Variants in CPNE8 observed in about 807,000 individuals in gnomAD.
CPNE8 encodes the protein copine 8.
CPNE8 carries 45 observed loss-of-function variants against 81.5 expected under a neutral mutation model. The ratio of observed to expected loss-of-function variants is 0.55; its 90% CI spans 0.44 to 0.71. The LOEUF (loss-of-function observed/expected upper bound fraction) is 0.71, where lower values mean the gene tolerates loss of function less well. Among genes scored for constraint, CPNE8 ranks in the 30% least tolerant of loss-of-function variants. CPNE8 has a pLI of 0.00. For missense variants in CPNE8, 594 were observed against 672.1 expected, an observed-to-expected ratio of 0.88 and a Z score of 1.28; for synonymous variants, 252 against 226.3, an observed-to-expected ratio of 1.11 and a Z score of -1.02.
At chr12:38,752,573 T>A (rs1361497749) in intron 10 of CPNE8, among the ~76,000 whole-genome samples, 1 of 152,130 alleles carries the variant, frequency 6.6e-6, no homozygotes, top group East Asian at 1.9e-4. Context: ...ATTTTCAATA[T>A]CACCTCTGGT....
chr12:38,785,191 A>G (rs1942152318), intron 6 of CPNE8, among the ~76,000 whole-genome samples: 1 of 141,152 alleles, frequency 7.1e-6, no homozygotes, highest in Non-Finnish European at 1.6e-5. Flanking sequence ...CTGTCTCTGA[A>G]AAAAAAAAAA....
chr12:38,710,206 T>C lies in CPNE8; in HGVS notation c.915-7285A>G, dbSNP rs565814894. ...CACCTTATCAAAAAGGTATGCAAAA[T>C]TGCCAACCTCTTTTCTAACCAATAG... On this transcript the variant is annotated intron_variant, in intron 13 of 19. Transcript: ENST00000331366. 8.5e-5 allele frequency among the ~76,000 whole-genome samples: 11 copies of C among 129,190 alleles called. No individual in the cohort carries two copies. In the East Asian group the frequency reaches 2.0e-3, roughly 24 times the overall value. The allele number at this position is 129,190 out of a possible 152,430, so 84.8% of individuals were successfully genotyped here.
intron 10 of CPNE8, among the ~76,000 whole-genome samples, chr12:38,753,727 C>A (rs1431000399): frequency 6.6e-6 from 1 of 152,010 alleles, no homozygotes; most frequent in Non-Finnish European, 1.5e-5. Context: ...TAGGTGAGTA[C>A]AGTACAATAA....
At chr12:38,730,733 T>C (rs1390993588) in intron 10 of CPNE8, among the ~76,000 whole-genome samples, 1 of 151,590 alleles carries the variant, frequency 6.6e-6, no homozygotes, top group Non-Finnish European at 1.5e-5. Context: ...TCCATATCTA[T>C]GGATATATAT....
In CPNE8 at chr12:38,809,577, T is replaced by C. The variant is rs182886422; in HGVS notation, c.407+19802A>G. On this transcript the variant is annotated intron_variant, in intron 6 of 19. Coordinates refer to ENST00000331366, the MANE Select transcript of CPNE8 (RefSeq NM_153634.3). Reference sequence around the variant, plus strand: ...TTGTGACATCAGAGAGTGAGGATCATGGAGGCAGAATTTTGCTTTCACAGT... The same window carrying C: ...TTGTGACATCAGAGAGTGAGGATCACGGAGGCAGAATTTTGCTTTCACAGT... Among the ~76,000 whole-genome samples the C allele has an allele frequency of 9.4e-3, 1,426 of 152,280 alleles. 20 individuals are homozygous for C. The highest frequency in any genetic ancestry group is 0.04 in the South Asian group (195 of 4,818).
chr12:38,869,738 A>C (rs1943963608), intron 3 of CPNE8, among the ~76,000 whole-genome samples: 1 of 152,156 alleles, frequency 6.6e-6, no homozygotes. Flanking sequence ...ATCTTCAGCC[A>C]TCTTCAGCTC....
chr12:38,734,957 C>T (rs1292783914), intron 10 of CPNE8, among the ~76,000 whole-genome samples: 1 of 151,988 alleles, frequency 6.6e-6, no homozygotes, highest in Non-Finnish European at 1.5e-5. Flanking sequence ...GGCATGTCTC[C>T]CCTTTGGAGT....
intron 14 of CPNE8, among the ~76,000 whole-genome samples, chr12:38,698,504 CTA>C (rs1418741918): frequency 6.6e-6 from 1 of 152,110 alleles, no homozygotes. Flanking sequence ...AGATGCATCC[CTA>C]TGTTTTCTTC....
At chr12:38,904,776 G>A (rs767636264) in intron 1 of CPNE8, among the ~76,000 whole-genome samples, 1 of 152,110 alleles carries the variant, frequency 6.6e-6, no homozygotes, top group Non-Finnish European at 1.5e-5. Flanking sequence ...ACTGCGCCCG[G>A]CCGAGAGTCA....
At chr12:38,663,966 T>A (rs1416350684) in intron 19 of CPNE8, among the ~76,000 whole-genome samples, 1 of 151,940 alleles carries the variant, frequency 6.6e-6, no homozygotes, top group Admixed American at 6.6e-5. Context: ...TACTATAGGC[T>A]GGGAAGGATA....
At chr12:38,696,735 C>A (rs896941249) in intron 14 of CPNE8, among the ~76,000 whole-genome samples, 1 of 152,106 alleles carries the variant, frequency 6.6e-6, no homozygotes, top group Non-Finnish European at 1.5e-5. Context: ...GCATAAGTTA[C>A]GTATTAACCA....
At chr12:38,780,880 C>T (rs1942037527) in intron 6 of CPNE8, among the ~76,000 whole-genome samples, 1 of 151,718 alleles carries the variant, frequency 6.6e-6, no homozygotes. Context: ...AGGAAATGAT[C>T]ACAGATGGGA....
intron 10 of CPNE8, among the ~76,000 whole-genome samples, chr12:38,740,209 T>G (rs1941061103): frequency 6.6e-6 from 1 of 152,200 alleles, no homozygotes; most frequent in South Asian, 2.1e-4. Flanking sequence ...TGTCTGTTAT[T>G]GGTGTATAAG....
chr12:38,717,040 C>T (rs1031708000), intron 13 of CPNE8, among the ~76,000 whole-genome samples: 14 of 152,008 alleles, frequency 9.2e-5, no homozygotes, highest in East Asian at 1.9e-4. Context: ...TGAAAAAATG[C>T]TCAACATCAC....
At chr12:38,683,973 A>G (rs1592007838) in intron 16 of CPNE8, among the ~76,000 whole-genome samples, 1 of 152,140 alleles carries the variant, frequency 6.6e-6, no homozygotes, top group Non-Finnish European at 1.5e-5. Flanking sequence ...AACTTTTACT[A>G]TAAATATATA....
intron 1 of CPNE8, among the ~76,000 whole-genome samples, chr12:38,896,712 A>C (rs991412649): frequency 6.6e-6 from 1 of 152,086 alleles, no homozygotes. Context: ...CTGAGTGTGC[A>C]TTTACAAATC....
chr12:38,877,249 G>A (rs1251627195), intron 1 of CPNE8, among the ~76,000 whole-genome samples: 1 of 152,174 alleles, frequency 6.6e-6, no homozygotes, highest in Non-Finnish European at 1.5e-5. Flanking sequence ...AGTATAAAGA[G>A]AGATGCTGCT....
intron 1 of CPNE8, among the ~76,000 whole-genome samples, chr12:38,885,492 A>G (rs1204727270): frequency 6.6e-6 from 1 of 152,226 alleles, no homozygotes; most frequent in Admixed American, 6.5e-5. Flanking sequence ...TGTAAGTTAC[A>G]GAAGAAAAGG....
chr12:38,870,646 G>C (rs1003613783), intron 3 of CPNE8, among the ~76,000 whole-genome samples: 9 of 152,076 alleles, frequency 5.9e-5, no homozygotes, highest in Non-Finnish European at 1.2e-4. Context: ...CTGTCGGCGG[G>C]TGGGGGGCTA....
Sources: allele counts gnomAD v4.1 joint callset (sites outside exome capture counted in the v4.1 genomes callset), GRCh38; gene constraint gnomAD v4.1.1; transcripts MANE v1.5; gene names NCBI Gene and HGNC (gene_info 2026-07-23, HGNC 2026-07-21).